Variants in PGR observed in about 807,000 individuals in gnomAD.
PGR encodes the protein progesterone receptor.
Under a neutral mutation model 76.1 loss-of-function variants are expected in PGR, and 25 were observed. The ratio of observed to expected loss-of-function variants is 0.33; its 90% CI spans 0.24 to 0.46. PGR has a LOEUF of 0.46. PGR is among the 20% of genes least tolerant of loss of function. The pLI, the probability that PGR is intolerant of heterozygous loss-of-function variation, is 1.00. For synonymous variants in PGR, 579 were observed against 535.0 expected, an observed-to-expected ratio of 1.08 and a Z score of -1.14; for missense variants, 1,172 against 1,225.3, an observed-to-expected ratio of 0.96 and a Z score of 0.65.
In PGR at chr11:101,042,011, T is replaced by C; in HGVS notation, c.2580A>G (p.Gln860=). Residue 860 remains glutamine (Q), a synonymous_variant, in exon 7 of 8, where the codon CAA becomes CAG. Coordinates refer to ENST00000325455, the MANE Select transcript of PGR (RefSeq NM_000926.4). ...RELIKAIGLR[Q]KGVVSSSQRF... Reference sequence around the variant, plus strand: ...GCTGTGAGCTCGACACAACTCCTTTTTGCCTCAAACCAATTGCCTTGATGA... The same window carrying C: ...GCTGTGAGCTCGACACAACTCCTTTCTGCCTCAAACCAATTGCCTTGATGA... The C allele has an allele frequency of 6.2e-7, 1 of 1,613,682 alleles. No homozygotes were observed. Among genetic ancestry groups the C allele is most frequent in the Non-Finnish European group, 8.5e-7 (1 of 1,179,734 alleles).
chr11:101,050,023 G>C lies in PGR; in HGVS notation c.2394C>G (p.Cys798Trp). 6.2e-7 allele frequency: 1 copy of C among 1,612,492 alleles called. No homozygotes were observed. The highest frequency in any genetic ancestry group is 8.5e-7 in the Non-Finnish European group (1 of 1,179,052). The change falls in exon 6 of 8, where the codon TGC (cysteine) becomes TGG (tryptophan). Residue 798 changes from cysteine (C) to tryptophan (W), a missense_variant. Cys to Trp is a radical substitution (Grantham distance 215). Around this residue, in one of 4 missense-constraint regions of PGR, gnomAD observed 166 missense variants for 296.0 expected, o/e 0.56. Coordinates refer to ENST00000325455, the MANE Select transcript of PGR (RefSeq NM_000926.4). ...RMKESSFYSL[C>W]LTMWQIPQEF... is the part of the protein sequence containing the mutation. Reference sequence around the variant, plus strand: ...CCTGTGGGATCTGCCACATGGTAAGGCATAATGAATAGAATGATGATTCTT... The same window carrying C: ...CCTGTGGGATCTGCCACATGGTAAGCCATAATGAATAGAATGATGATTCTT...
chr11:101,079,543 G>A (rs966176104), intron 3 of PGR, among the ~76,000 whole-genome samples: 2 of 152,072 alleles, frequency 1.3e-5, no homozygotes, highest in African/African-American at 4.8e-5. Context: ...TCAGGGAAAT[G>A]CAAATAAAAC....
chr11:101,065,026 G>A (rs1860665332), intron 3 of PGR, among the ~76,000 whole-genome samples: 3 of 152,282 alleles, frequency 2.0e-5, no homozygotes, highest in Middle Eastern at 3.4e-3. Context: ...CTAAGTCTGC[G>A]TAAATGCATT....
chr11:101,040,265 A>G (rs1005233436), intron 7 of PGR, among the ~76,000 whole-genome samples: 2 of 151,906 alleles, frequency 1.3e-5, no homozygotes, highest in African/African-American at 4.8e-5. Context: ...AGTTCCATTT[A>G]TTTTTCCTGG....
chr11:101,067,006 TACTTAGA>T (rs1229060240), intron 3 of PGR, among the ~76,000 whole-genome samples: 3 of 152,226 alleles, frequency 2.0e-5, no homozygotes, highest in Non-Finnish European at 4.4e-5. Flanking sequence ...CTCCTGATCC[TACTTAGA>T]ATGAAGTTAA....
intron 2 of PGR, among the ~76,000 whole-genome samples, chr11:101,099,863 C>T (rs1861943874): frequency 6.6e-6 from 1 of 152,186 alleles, no homozygotes; most frequent in Non-Finnish European, 1.5e-5. Context: ...TCTAACTTCT[C>T]TTCCCACACG....
At position 101,032,489 on chromosome 11, in the gene PGR, A is replaced by G. The variant is rs1055163078; in HGVS notation, c.*6627T>C. 1.7e-5 allele frequency: 4 copies of G among 232,646 alleles called. No homozygotes were observed. The highest frequency in any genetic ancestry group is 5.6e-5 in the Admixed American group (1 of 17,752). The allele number at this position is 232,646 out of a possible 1,614,324, so 14.4% of individuals were successfully genotyped here. ...GCTTTCTTCTTCAGTCTCATCATCCATCCCCACCCCACATTCTCTCTCCCC... is the reference window on the plus strand; with the variant it reads ...GCTTTCTTCTTCAGTCTCATCATCCGTCCCCACCCCACATTCTCTCTCCCC... On this transcript the variant is annotated 3_prime_UTR_variant, in exon 8 of 8. Coordinates refer to ENST00000325455, the MANE Select transcript of PGR (RefSeq NM_000926.4).
chr11:101,036,207 T>C lies in PGR; in HGVS notation c.*2909A>G, dbSNP rs1859510940. Reference sequence around the variant, plus strand: ...CATAGTTTTGGCAAAAAAAATATTGTTCATCATATTTCCATATCATCTGTA... The same window carrying C: ...CATAGTTTTGGCAAAAAAAATATTGCTCATCATATTTCCATATCATCTGTA... On this transcript the variant is annotated 3_prime_UTR_variant, in exon 8 of 8. Transcript: ENST00000325455. The C allele has an allele frequency of 4.5e-6, 1 of 221,156 alleles. No individual in the cohort carries two copies. The highest frequency in any genetic ancestry group is 9.0e-6 in the Non-Finnish European group (1 of 110,660). 13.7% of individuals were successfully genotyped at this position (221,156 alleles called of 1,614,324 possible).
intron 4 of PGR, among the ~76,000 whole-genome samples, chr11:101,056,597 G>T (rs1320730543): frequency 1.4e-5 from 2 of 141,750 alleles, no homozygotes; most frequent in Non-Finnish European, 3.0e-5. Context: ...CTACAATCAT[G>T]CCACTGCACT....
chr11:101,085,361 C>T (rs962084937), intron 3 of PGR, among the ~76,000 whole-genome samples: 3 of 97,824 alleles, frequency 3.1e-5, no homozygotes, highest in Admixed American at 2.2e-4. Context: ...AAAATCAAGG[C>T]AGAAATAAAA....
intron 2 of PGR, among the ~76,000 whole-genome samples, chr11:101,106,332 A>T (rs947485330): frequency 6.6e-6 from 1 of 152,242 alleles, no homozygotes; most frequent in Non-Finnish European, 1.5e-5. Flanking sequence ...TATCCATCTG[A>T]CAAAGGACTA....
At chr11:101,076,334 G>C (rs966825041) in intron 3 of PGR, among the ~76,000 whole-genome samples, 5 of 151,952 alleles carry the variant, frequency 3.3e-5, no homozygotes, top group Non-Finnish European at 7.4e-5. Flanking sequence ...GGGGCTAAGG[G>C]AGGGATAACA....
At position 101,037,282 on chromosome 11, in the gene PGR, T is replaced by C. The variant is rs1305566423; in HGVS notation, c.*1834A>G. 1 of 213,148 alleles carries C rather than the reference T, an allele frequency of 4.7e-6. No homozygotes were observed. The highest frequency in any genetic ancestry group is 9.5e-6 in the Non-Finnish European group (1 of 105,484). The allele number at this position is 213,148 out of a possible 1,614,324, so 13.2% of individuals were successfully genotyped here. A position where few individuals can be genotyped will look rare whatever the true frequency, so the allele number is the denominator to read the frequency against. On this transcript the variant is annotated 3_prime_UTR_variant, in exon 8 of 8. Coordinates refer to ENST00000325455, the MANE Select transcript of PGR (RefSeq NM_000926.4). ...ACCTAGTATACGTTGAGTGTACAAA[T>C]ATTAAAATGCCTATTTATCAGGCAC...
intron 5 of PGR, among the ~76,000 whole-genome samples, chr11:101,050,430 A>T (rs1444519999): frequency 6.6e-6 from 1 of 152,250 alleles, no homozygotes; most frequent in Admixed American, 6.5e-5. Flanking sequence ...TTATTTACTT[A>T]CAATTTATTT....
intron 2 of PGR, among the ~76,000 whole-genome samples, chr11:101,115,215 G>A (rs1862464542): frequency 6.6e-6 from 1 of 151,796 alleles, no homozygotes; most frequent in South Asian, 2.1e-4. Flanking sequence ...TACAATTCTT[G>A]CTATCAAAAA....
intron 3 of PGR, among the ~76,000 whole-genome samples, chr11:101,085,158 A>G (rs903583418): frequency 2.0e-5 from 3 of 152,218 alleles, no homozygotes; most frequent in Non-Finnish European, 4.4e-5. Flanking sequence ...TACACAGAAC[A>G]TATACTCCAA....
rs1859463306 is a variant in PGR, at chr11:101,035,051, G to A, written c.*4065C>T. ...TTGGTGAACTTTTGCTAGACTATCTGGCTATGTATTTTCTGTAAAATTTTA... is the reference window on the plus strand; with the variant it reads ...TTGGTGAACTTTTGCTAGACTATCTAGCTATGTATTTTCTGTAAAATTTTA... On this transcript the variant is annotated 3_prime_UTR_variant, in exon 8 of 8. Coordinates refer to ENST00000325455, the MANE Select transcript of PGR (RefSeq NM_000926.4). 4.9e-6 allele frequency: 1 copy of A among 202,330 alleles called. No individual in the cohort carries two copies. The highest frequency in any genetic ancestry group is 1.9e-4 in the South Asian group (1 of 5,288). The allele number at this position is 202,330 out of a possible 1,614,324, so 12.5% of individuals were successfully genotyped here.
chr11:101,097,115 T>C (rs1191915097), intron 2 of PGR, among the ~76,000 whole-genome samples: 1 of 152,164 alleles, frequency 6.6e-6, no homozygotes, highest in Admixed American at 6.5e-5. Flanking sequence ...TATGCTTCTT[T>C]CTCCTTGCAA....
intron 2 of PGR, among the ~76,000 whole-genome samples, chr11:101,116,494 C>T (rs1230385445): frequency 6.6e-6 from 1 of 152,136 alleles, no homozygotes. Flanking sequence ...AATCCCAACA[C>T]TTTGGGAGGC....
Sources: allele counts gnomAD v4.1 joint callset (sites outside exome capture counted in the v4.1 genomes callset), GRCh38; gene constraint gnomAD v4.1.1; regional missense constraint gnomAD v4.1.1; transcripts MANE v1.5; gene names NCBI Gene and HGNC (gene_info 2026-07-23, HGNC 2026-07-21).